The following SPATA6 variants were observed in gnomAD, a reference collection of about 807,000 sequenced individuals.
SPATA6 encodes the protein spermatogenesis associated 6, also known as spermatogenesis-associated protein 6.
In SPATA6, 56 loss-of-function variants were observed where a neutral mutation model predicts 65.3. The observed-to-expected ratio is 0.86, with a 90% CI of 0.69 to 1.07. SPATA6 has a LOEUF of 1.07. SPATA6 is among the 50% of genes least tolerant of loss of function. The pLI, the probability that SPATA6 is intolerant of heterozygous loss-of-function variation, is 0.00. For synonymous variants in SPATA6, 199 were observed against 213.2 expected (o/e 0.93, Z 0.58); for missense variants, 590 against 594.8 (o/e 0.99, Z 0.08).
chr1:48,405,991 G>A (rs1287424654), intron 5 of SPATA6, among the ~76,000 whole-genome samples: 1 of 152,130 alleles, frequency 6.6e-6, no homozygotes, highest in Non-Finnish European at 1.5e-5. Flanking sequence ...TATAGATAGG[G>A]CTGCTGAGGT....
At chr1:48,292,758 C>A (rs1195797028), downstream of SPATA6, among the ~76,000 whole-genome samples, 1 of 152,232 alleles carries the variant, frequency 6.6e-6, no homozygotes, top group Non-Finnish European at 1.5e-5. Flanking sequence ...TCATTAACAG[C>A]CAGGGCCAGT....
intron 11 of SPATA6, chr1:48,325,306 C>A: frequency 8.7e-7 from 1 of 1,143,050 alleles, no homozygotes; most frequent in Non-Finnish European, 1.3e-6. Context: ...TGGGAGCCTG[C>A]TTCACTGTGT....
At chr1:48,322,002 A>T (rs1479174614) in intron 11 of SPATA6, among the ~76,000 whole-genome samples, 2 of 152,156 alleles carry the variant, frequency 1.3e-5, no homozygotes, top group Non-Finnish European at 2.9e-5. Context: ...TATGGGATAC[A>T]GCAAAAGCAG....
chr1:48,422,005 A>G (rs1467596723), intron 3 of SPATA6, among the ~76,000 whole-genome samples: 1 of 152,222 alleles, frequency 6.6e-6, no homozygotes, highest in African/African-American at 2.4e-5. Flanking sequence ...TATCAAATGG[A>G]AAGAATATAC....
At chr1:48,441,056 C>A (rs1655417186) in intron 3 of SPATA6, among the ~76,000 whole-genome samples, 1 of 152,134 alleles carries the variant, frequency 6.6e-6, no homozygotes, top group South Asian at 2.1e-4. Flanking sequence ...AAAAGATTGT[C>A]CAACAAGAAA....
Position 48,369,713 on chromosome 1 carries a change from G to A in SPATA6, c.910-9943C>T, listed in dbSNP as rs554631186. Among the ~76,000 whole-genome samples the A allele has an allele frequency of 2.0e-5, 3 of 152,312 alleles. No individual in the cohort carries two copies. The South Asian group carries it at 6.2e-4, about 32-fold the overall frequency. ...CTTTGATTAGGAAAGGGAACTCCCTGACCCCTTGCACTTCCCGAGTGAGGC... is the reference window on the plus strand; with the variant it reads ...CTTTGATTAGGAAAGGGAACTCCCTAACCCCTTGCACTTCCCGAGTGAGGC... On this transcript the variant is annotated intron_variant, in intron 9 of 12. Coordinates refer to ENST00000371847, the MANE Select transcript of SPATA6 (RefSeq NM_019073.4).
intron 6 of SPATA6, among the ~76,000 whole-genome samples, chr1:48,403,557 G>A (rs1651386505): frequency 6.6e-6 from 1 of 152,084 alleles, no homozygotes; most frequent in Non-Finnish European, 1.5e-5. Context: ...AGTCCAAGAA[G>A]TAAAAAAATA....
chr1:48,353,595 CTAGAGA>C (rs1336332034), intron 11 of SPATA6, among the ~76,000 whole-genome samples: 1 of 151,756 alleles, frequency 6.6e-6, no homozygotes, highest in Non-Finnish European at 1.5e-5. Flanking sequence ...AGGAATATTA[CTAGAGA>C]TAAAGAGGGA....
intron 1 of SPATA6, among the ~76,000 whole-genome samples, chr1:48,456,658 TAAGA>T (rs1657029571): frequency 6.6e-6 from 1 of 152,038 alleles, no homozygotes; most frequent in African/African-American, 2.4e-5. Flanking sequence ...TCTCATCAAA[TAAGA>T]AATATCAATA....
At chr1:48,283,458 A>C in the SPATA6 span, among the ~76,000 whole-genome samples, 1 of 151,534 alleles carries the variant, frequency 6.6e-6, no homozygotes, top group Non-Finnish European at 1.5e-5. Flanking sequence ...AGGCAGGCAG[A>C]TCATGAGGTC....
At chr1:48,468,723 T>A (rs1164890003) in intron 1 of SPATA6, among the ~76,000 whole-genome samples, 1 of 151,412 alleles carries the variant, frequency 6.6e-6, no homozygotes, top group East Asian at 1.9e-4. Context: ...AAAAAAAAAA[T>A]AGAACTGCTC....
chr1:48,402,466 A>G (rs1651261535), intron 6 of SPATA6, among the ~76,000 whole-genome samples: 1 of 152,212 alleles, frequency 6.6e-6, no homozygotes, highest in Non-Finnish European at 1.5e-5. Context: ...CTCTAAAACA[A>G]GTCAATAACA....
intron 3 of SPATA6, among the ~76,000 whole-genome samples, chr1:48,444,775 A>G (rs755374547): frequency 3.3e-5 from 5 of 152,170 alleles, no homozygotes; most frequent in Non-Finnish European, 1.5e-5. Flanking sequence ...AAGAGCTGTT[A>G]ACACTCACCA....
rs1223443216 is a variant in SPATA6, at chr1:48,436,292, T to C, written c.238+15260A>G. ...CTGAAAGCTTTACAGAAAGCCGTGA[T>C]TCTATCCCACTTTTTCCGGCATCCC... is the stretch of plus-strand genomic sequence containing the variant. On this transcript the variant is annotated intron_variant, in intron 3 of 12. Transcript: ENST00000371847. The C allele has an allele frequency of 3.1e-5, 50 of 1,613,536 alleles. 2 individuals are homozygous for C. Among genetic ancestry groups the C allele is most frequent in the Non-Finnish European group, 3.2e-5 (38 of 1,179,926 alleles).
At chr1:48,289,618 T>C in the SPATA6 span, among the ~76,000 whole-genome samples, 1 of 152,132 alleles carries the variant, frequency 6.6e-6, no homozygotes, top group Non-Finnish European at 1.5e-5. Flanking sequence ...ATTAGATGAA[T>C]GGCTAACTAG....
At chr1:48,284,078 G>C in the SPATA6 span, among the ~76,000 whole-genome samples, 1 of 151,822 alleles carries the variant, frequency 6.6e-6, no homozygotes, top group Non-Finnish European at 1.5e-5. Flanking sequence ...ATCAAATGTA[G>C]GTTTGGTCTT....
chr1:48,413,027 T>C (rs1162174074), intron 4 of SPATA6, 83 bp downstream of exon 4: 6 of 407,108 alleles, frequency 1.5e-5, no homozygotes, highest in African/African-American at 2.2e-5. Flanking sequence ...TCAAATAATA[T>C]AGTATAATCA....
intron 11 of SPATA6, among the ~76,000 whole-genome samples, chr1:48,337,913 A>G (rs1412723144): frequency 6.6e-6 from 1 of 152,030 alleles, no homozygotes; most frequent in Non-Finnish European, 1.5e-5. Flanking sequence ...ATCAAAGCAT[A>G]GATTCAATGT....
chr1:48,277,808 G>C, the SPATA6 span, among the ~76,000 whole-genome samples: 1 of 152,230 alleles, frequency 6.6e-6, no homozygotes, highest in Non-Finnish European at 1.5e-5. Context: ...GTCCCTCTCT[G>C]ACAGCTTTGA....
Sources: gnomAD v4.1 joint callset for allele counts (sites outside exome capture counted in the v4.1 genomes callset) on GRCh38, gnomAD v4.1.1 for gene constraint, MANE v1.5 for transcripts, NCBI Gene and HGNC (gene_info 2026-07-23, HGNC 2026-07-21) for gene names.